SYNPR: variants seen among roughly 807,000 people sequenced by gnomAD.
The protein encoded by SYNPR is synaptoporin.
SYNPR carries 23 observed loss-of-function variants against 32.9 expected under a neutral mutation model. The observed-to-expected ratio is 0.70, with a 90% confidence interval of 0.50 to 0.99. The LOEUF is 0.99. Among genes scored for constraint, SYNPR ranks in the 50% least tolerant of loss-of-function variants. The pLI is 0.00. For missense variants in SYNPR, 318 were observed against 349.3 expected, an observed-to-expected ratio of 0.91 and a Z score of 0.71; for synonymous variants, 146 against 135.9, an observed-to-expected ratio of 1.07 and a Z score of -0.52.
chr3:63,501,510 A>AAGAAAAAAAAAAAAG (rs1559518821), intron 3 of SYNPR, among the ~76,000 whole-genome samples: 1 of 99,596 alleles, frequency 1.0e-5, no homozygotes, highest in African/African-American at 4.3e-5. Context: ...AAAAAAAAAA[A>AAGAAAAAAAAAAAAG]AAAAGAAAAG....
intron 1 of SYNPR, among the ~76,000 whole-genome samples, chr3:63,236,709 C>T (rs1575572198): frequency 6.6e-6 from 1 of 152,060 alleles, no homozygotes; most frequent in Admixed American, 6.6e-5. Context: ...GTGTGTTAAT[C>T]TTATATCCTG....
chr3:63,350,883 C>T (rs1028961182), intron 2 of SYNPR, among the ~76,000 whole-genome samples: 5 of 152,156 alleles, frequency 3.3e-5, no homozygotes, highest in South Asian at 2.1e-4. Flanking sequence ...AGTGACTTCT[C>T]GACCTCTGTT....
At chr3:63,358,625 G>GAA (rs71126596) in intron 2 of SYNPR, among the ~76,000 whole-genome samples, 5 of 149,812 alleles carry the variant, frequency 3.3e-5, no homozygotes, top group East Asian at 2.0e-4. Flanking sequence ...CATAATACAT[G>GAA]AAAAAAAAAA....
intron 2 of SYNPR, among the ~76,000 whole-genome samples, chr3:63,440,460 T>A (rs1380200105): frequency 6.6e-6 from 1 of 152,136 alleles, no homozygotes; most frequent in African/African-American, 2.4e-5. Flanking sequence ...TGGCTCAACA[T>A]GGGTAATAGA....
intron 2 of SYNPR, among the ~76,000 whole-genome samples, chr3:63,335,374 A>T (rs1206608371): frequency 6.7e-6 from 1 of 148,798 alleles, no homozygotes; most frequent in African/African-American, 2.5e-5. Context: ...AAAAAAAAAA[A>T]TGGCAAAAAC....
intron 3 of SYNPR, 34 bp downstream of exon 3, chr3:63,480,990 C>G: frequency 2.5e-6 from 4 of 1,594,968 alleles, no homozygotes; most frequent in Non-Finnish European, 3.4e-6. Flanking sequence ...GTTAGCCTCA[C>G]AGGGGGTTAT....
chr3:63,415,995 C>T (rs2107124142), intron 2 of SYNPR, among the ~76,000 whole-genome samples: 1 of 152,296 alleles, frequency 6.6e-6, no homozygotes, highest in South Asian at 2.1e-4. Context: ...CAGATGATTA[C>T]AAACAAGGCA....
the SYNPR span, among the ~76,000 whole-genome samples, chr3:63,217,624 G>C: frequency 1.3e-5 from 2 of 149,860 alleles, no homozygotes; most frequent in Non-Finnish European, 3.0e-5. Context: ...TCCCTAGTGA[G>C]ATGAACCTGG....
intron 2 of SYNPR, among the ~76,000 whole-genome samples, chr3:63,266,430 C>T (rs1458965418): frequency 2.6e-5 from 4 of 151,740 alleles, no homozygotes; most frequent in Admixed American, 1.3e-4. Flanking sequence ...AGGCCGGGAG[C>T]GGTGGCTCAT....
At chr3:63,488,268 A>G (rs898894376) in intron 3 of SYNPR, among the ~76,000 whole-genome samples, 3 of 152,240 alleles carry the variant, frequency 2.0e-5, no homozygotes, top group Non-Finnish European at 2.9e-5. Flanking sequence ...GTTTCTCATT[A>G]CCAAAGGGTT....
At chr3:63,372,983 T>C (rs998407840) in intron 2 of SYNPR, among the ~76,000 whole-genome samples, 4 of 152,172 alleles carry the variant, frequency 2.6e-5, no homozygotes, top group Non-Finnish European at 5.9e-5. Context: ...CCTTTGATAA[T>C]GTACTCCCTT....
At chr3:63,234,904 G>A (rs540298551) in intron 1 of SYNPR, among the ~76,000 whole-genome samples, 25 of 152,214 alleles carry the variant, frequency 1.6e-4, no homozygotes, top group Admixed American at 6.5e-5. Context: ...CATTTTTATT[G>A]GGATAAGTAT....
intron 2 of SYNPR, among the ~76,000 whole-genome samples, chr3:63,471,863 A>C (rs1338762266): frequency 1.3e-5 from 2 of 152,182 alleles, no homozygotes; most frequent in Non-Finnish European, 2.9e-5. Flanking sequence ...TGAATTGTGA[A>C]GCTGCATGAA....
chr3:63,406,643 A>C (rs2088364552), intron 2 of SYNPR, among the ~76,000 whole-genome samples: 1 of 152,172 alleles, frequency 6.6e-6, no homozygotes, highest in African/African-American at 2.4e-5. Flanking sequence ...TTTGGTCAGA[A>C]AGAAACAAAA....
chr3:63,475,109 T>C (rs1050369997), intron 2 of SYNPR, among the ~76,000 whole-genome samples: 1 of 152,140 alleles, frequency 6.6e-6, no homozygotes, highest in Non-Finnish European at 1.5e-5. Context: ...GTGATTTTGG[T>C]TTATGGATGA....
chr3:63,366,243 G>C (rs952605050), intron 2 of SYNPR, among the ~76,000 whole-genome samples: 1 of 151,860 alleles, frequency 6.6e-6, no homozygotes, highest in African/African-American at 2.4e-5. Context: ...CAAAACCGAG[G>C]GGTTTTTTTC....
intron 4 of SYNPR, among the ~76,000 whole-genome samples, chr3:63,595,285 A>G (rs1699913778): frequency 6.6e-6 from 1 of 152,196 alleles, no homozygotes; most frequent in South Asian, 2.1e-4. Flanking sequence ...CCTCTCTAGT[A>G]AAGATAAGCA....
intron 1 of SYNPR, among the ~76,000 whole-genome samples, chr3:63,235,967 T>C (rs2086197668): frequency 1.3e-5 from 2 of 152,058 alleles, no homozygotes; most frequent in Non-Finnish European, 2.9e-5. Flanking sequence ...AAGATTTTCT[T>C]ATATTTTTTT....
chr3:63,408,840 C>T (rs1487684320), intron 2 of SYNPR, among the ~76,000 whole-genome samples: 2 of 152,120 alleles, frequency 1.3e-5, no homozygotes, highest in African/African-American at 4.8e-5. Context: ...TAATGCTCTA[C>T]CGGCTATCTG....
Sources: gnomAD v4.1 joint callset for allele counts (sites outside exome capture counted in the v4.1 genomes callset) on GRCh38, gnomAD v4.1.1 for gene constraint, MANE v1.5 for transcripts, NCBI Gene and HGNC (gene_info 2026-07-23, HGNC 2026-07-21) for gene names.